Variants in SPATA6 observed in about 807,000 individuals in gnomAD.
The protein encoded by SPATA6 is spermatogenesis associated 6, also known as spermatogenesis-associated protein 6.
In SPATA6, 56 loss-of-function variants were observed where a neutral mutation model predicts 65.3. That is an observed-to-expected ratio of 0.86 (90% CI 0.69 to 1.07). The LOEUF is 1.07. Among genes scored for constraint, SPATA6 ranks in the 50% least tolerant of loss-of-function variants. The pLI is 0.00. For missense variants in SPATA6, 590 were observed against 594.8 expected, an observed-to-expected ratio of 0.99 and a Z score of 0.08; for synonymous variants, 199 against 213.2, an observed-to-expected ratio of 0.93 and a Z score of 0.58.
chr1:48,299,653 C>T (rs1004093159), intron 12 of SPATA6, among the ~76,000 whole-genome samples: 4 of 150,902 alleles, frequency 2.7e-5, no homozygotes, highest in African/African-American at 9.7e-5. Context: ...ACTTCCTTAA[C>T]TTTAGTTTTA....
At chr1:48,436,470 T>C (rs1654947818) in intron 3 of SPATA6, 4 of 1,607,218 alleles carry the variant, frequency 2.5e-6, no homozygotes, top group Non-Finnish European at 3.4e-6. Context: ...TCTTTGGAGC[T>C]GTGAGAGGGT....
At chr1:48,270,982 T>G in the SPATA6 span, among the ~76,000 whole-genome samples, 1 of 152,288 alleles carries the variant, frequency 6.6e-6, no homozygotes, top group East Asian at 1.9e-4. Flanking sequence ...TTGGTTGCAT[T>G]TGAAAGCTAG....
chr1:48,364,085 AATG>A (rs1352934228), intron 9 of SPATA6, among the ~76,000 whole-genome samples: 4 of 152,094 alleles, frequency 2.6e-5, no homozygotes, highest in African/African-American at 9.7e-5. Context: ...GTTTACTGAG[AATG>A]ATGATTTCCA....
At chr1:48,406,679 C>T (rs1651738403) in intron 5 of SPATA6, among the ~76,000 whole-genome samples, 1 of 152,198 alleles carries the variant, frequency 6.6e-6, no homozygotes, top group African/African-American at 2.4e-5. Flanking sequence ...ATCATCTCTA[C>T]TCCATCATCA....
chr1:48,291,584 GC>G (rs1644768304), downstream of SPATA6, among the ~76,000 whole-genome samples: 1 of 151,974 alleles, frequency 6.6e-6, no homozygotes, highest in Non-Finnish European at 1.5e-5. Context: ...CTCCCTCTGT[GC>G]CCACCTGCCC....
rs141090052 is a variant in SPATA6 at position 48,425,737 on chromosome 1, C to T, written c.239-12586G>A. On this transcript the variant is annotated intron_variant, in intron 3 of 12. Transcript: ENST00000371847. ...ATGGGAATAAGTCTTTTCAACAAATCGTATTGTTTAATTAGAGATTATATA... is the reference window on the plus strand; with the variant it reads ...ATGGGAATAAGTCTTTTCAACAAATTGTATTGTTTAATTAGAGATTATATA... 1.9e-3 allele frequency among the ~76,000 whole-genome samples: 285 copies of T among 152,028 alleles called. 1 individual carries two copies. Among genetic ancestry groups the T allele is most frequent in the African/African-American group, 5.8e-3 (240 of 41,496 alleles).
chr1:48,411,403 G>T (rs900878642), intron 5 of SPATA6, 61 bp downstream of exon 5: 33 of 1,549,424 alleles, frequency 2.1e-5, no homozygotes, highest in Non-Finnish European at 2.7e-5. Flanking sequence ...CGAGCACTAT[G>T]CGGTGGTTTC....
chr1:48,310,552 T>A (rs561823174), intron 11 of SPATA6, among the ~76,000 whole-genome samples: 4 of 152,200 alleles, frequency 2.6e-5, no homozygotes, highest in Non-Finnish European at 5.9e-5. Flanking sequence ...CCTAGGACTC[T>A]GGCCCCAAGG....
chr1:48,450,975 A>T (rs1656513237), intron 3 of SPATA6, among the ~76,000 whole-genome samples: 1 of 152,230 alleles, frequency 6.6e-6, no homozygotes, highest in East Asian at 1.9e-4. Context: ...CTCAGAGCTT[A>T]AAAAGTGTAC....
intron 1 of SPATA6, among the ~76,000 whole-genome samples, chr1:48,459,384 C>T (rs1657252546): frequency 6.6e-6 from 1 of 151,742 alleles, no homozygotes; most frequent in South Asian, 2.1e-4. Flanking sequence ...AGAAAAATCA[C>T]CAAGGATAAA....
chr1:48,436,303 T>C (rs1654933699), intron 3 of SPATA6: 1 of 1,613,370 alleles, frequency 6.2e-7, no homozygotes, highest in Admixed American at 1.7e-5. Context: ...TCTATCCCAC[T>C]TTTTCCGGCA....
At position 48,384,766 on chromosome 1, in the gene SPATA6, A is replaced by C. The variant is rs553064619; in HGVS notation, c.909+543T>G. On this transcript the variant is annotated intron_variant, in intron 9 of 12. Coordinates refer to ENST00000371847, the MANE Select transcript of SPATA6 (RefSeq NM_019073.4). ...AGAGCATGTCTCAGAGCCTTTAGCA[A>C]AACAGTATCTAGCCAAAATTTAGAA... Among the ~76,000 whole-genome samples the C allele has an allele frequency of 5.9e-5, 9 of 152,334 alleles. No homozygotes were observed. The South Asian group carries it at 1.9e-3, about 32-fold the overall frequency.
At chr1:48,275,886 T>G in the SPATA6 span, among the ~76,000 whole-genome samples, 7 of 152,202 alleles carry the variant, frequency 4.6e-5, no homozygotes, top group Non-Finnish European at 8.8e-5. Flanking sequence ...TTCTATTGTT[T>G]GGAATCGTTT....
chr1:48,365,447 C>A (rs954373328), intron 9 of SPATA6, among the ~76,000 whole-genome samples: 1 of 152,126 alleles, frequency 6.6e-6, no homozygotes, highest in Non-Finnish European at 1.5e-5. Context: ...AATGTTCTTC[C>A]ATTTGTTTGT....
At chr1:48,380,047 T>C (rs1648379449) in intron 9 of SPATA6, among the ~76,000 whole-genome samples, 1 of 152,230 alleles carries the variant, frequency 6.6e-6, no homozygotes, top group Non-Finnish European at 1.5e-5. Flanking sequence ...CATAAAACTT[T>C]TGTCAATTAT....
intron 12 of SPATA6, among the ~76,000 whole-genome samples, chr1:48,300,268 T>C (rs941484354): frequency 2.6e-5 from 4 of 152,206 alleles, no homozygotes. Flanking sequence ...ATTGACCTTC[T>C]TCAAGGTCAA....
At chr1:48,362,676 G>GGAAA (rs34099913) in intron 9 of SPATA6, among the ~76,000 whole-genome samples, 152,066 of 152,198 alleles carry the variant, frequency 1, 75,967 homozygotes, top group Middle Eastern at 1. Flanking sequence ...GAAATTCAAA[G>GGAAA]GAAAGACTTC....
intron 11 of SPATA6, among the ~76,000 whole-genome samples, chr1:48,318,149 C>A (rs1427584185): frequency 6.6e-6 from 1 of 152,014 alleles, no homozygotes; most frequent in Non-Finnish European, 1.5e-5. Flanking sequence ...ATGGTAAATG[C>A]CATCTGTTAA....
intron 9 of SPATA6, among the ~76,000 whole-genome samples, chr1:48,378,723 C>T (rs138386243): frequency 5.3e-5 from 8 of 152,260 alleles, no homozygotes; most frequent in Middle Eastern, 3.4e-3. Flanking sequence ...GGGTACCTCC[C>T]ACAACATGTG....
Sources: gnomAD v4.1 joint callset for allele counts (sites outside exome capture counted in the v4.1 genomes callset) on GRCh38, gnomAD v4.1.1 for gene constraint, MANE v1.5 for transcripts, NCBI Gene and HGNC (gene_info 2026-07-23, HGNC 2026-07-21) for gene names.